APOOL: variants seen among roughly 807,000 people sequenced by gnomAD.
The protein encoded by APOOL is apolipoprotein O like.
A neutral mutation model predicts 23.1 loss-of-function variants in APOOL; 12 were observed. The ratio of observed to expected loss-of-function variants is 0.52; its 90% confidence interval spans 0.33 to 0.84. The LOEUF is 0.84. Among genes scored for constraint, APOOL ranks in the 40% least tolerant of loss-of-function variants. The pLI is 0.02. For missense variants in APOOL, 212 were observed against 199.6 expected (o/e 1.06, Z -0.37); for synonymous variants, 77 against 69.9 (o/e 1.10, Z -0.51).
Position 85,087,944 on chromosome X carries a change from T to TAA in APOOL, c.*274_*275dup. 5.7e-6 allele frequency: 1 copy of TAA among 176,570 alleles called. No homozygotes were observed. The allele number at this position is 176,570 out of a possible 1,213,427, so 14.6% of individuals were successfully genotyped here. Reference sequence around the variant, plus strand: ...GCATTTGATGACCTTTAAGGGCACTTAAAAAAAAATGAAGACATGAATTCT... The same window carrying TAA: ...GCATTTGATGACCTTTAAGGGCACTTAAAAAAAAAAATGAAGACATGAATTCT... On this transcript the variant is annotated 3_prime_UTR_variant, in exon 9 of 9. Coordinates refer to ENST00000373173, the MANE Select transcript of APOOL (RefSeq NM_198450.6).
chrX:85,073,215 T>A (rs1186739638), intron 6 of APOOL, among the ~76,000 whole-genome samples: 6 of 111,225 alleles, frequency 5.4e-5, no homozygotes, highest in Admixed American at 4.8e-4. Context: ...TTTTAAAAAA[T>A]TTATGTTTGT....
intron 1 of APOOL, among the ~76,000 whole-genome samples, chrX:85,018,337 A>G (rs1419420282): frequency 9.0e-6 from 1 of 111,561 alleles, no homozygotes; most frequent in African/African-American, 3.3e-5. Flanking sequence ...TGAGAGTGGC[A>G]GCAAGAAAGT....
chrX:85,037,902 G>T (rs919079621), intron 1 of APOOL, among the ~76,000 whole-genome samples: 1 of 111,027 alleles, frequency 9.0e-6, no homozygotes, highest in Non-Finnish European at 1.9e-5. Context: ...AAAAACTCTT[G>T]TAGACATCAG....
At chrX:85,058,516 A>G (rs1228750033) in intron 5 of APOOL, among the ~76,000 whole-genome samples, 1 of 111,807 alleles carries the variant, frequency 8.9e-6, no homozygotes, top group Non-Finnish European at 1.9e-5. Context: ...GCTATTGTGA[A>G]TAGTGCTGCA....
At chrX:85,071,611 A>C (rs779457978) in intron 6 of APOOL, among the ~76,000 whole-genome samples, 2 of 111,498 alleles carry the variant, frequency 1.8e-5, no homozygotes, top group Non-Finnish European at 3.8e-5. Flanking sequence ...TTTAATCTTG[A>C]GATAGGAACA....
In APOOL at chrX:85,093,144, A is replaced by G; in HGVS notation, c.*5466A>G. ...TGCCCTGTGAATATTTATTAAGAAA[A>G]GGTTAATGTATAGAATATCAATACT... On this transcript the variant is annotated 3_prime_UTR_variant, in exon 9 of 9. Transcript: ENST00000373173. 3.6e-6 allele frequency: 4 copies of G among 1,101,249 alleles called. No homozygotes were observed. Among genetic ancestry groups the G allele is most frequent in the Non-Finnish European group, 4.9e-6 (4 of 821,908 alleles). The allele number at this position is 1,101,249 out of a possible 1,213,427, so 90.8% of individuals were successfully genotyped here.
intron 1 of APOOL, among the ~76,000 whole-genome samples, chrX:85,032,459 AG>A (rs1267244122): frequency 9.1e-6 from 1 of 109,894 alleles, no homozygotes; most frequent in Non-Finnish European, 1.9e-5. Flanking sequence ...GGTTGCAGTG[AG>A]CCGAGATCGC....
chrX:85,090,588 C>T lies in APOOL; in HGVS notation c.*2910C>T, dbSNP rs1359138889. On this transcript the variant is annotated 3_prime_UTR_variant, in exon 9 of 9. Transcript: ENST00000373173. Reference sequence around the variant, plus strand: ...AGCTTACCTTCTAATCCTATCTTCCCTCTCCTTACCCACCCTACTGCTAAT... The same window carrying T: ...AGCTTACCTTCTAATCCTATCTTCCTTCTCCTTACCCACCCTACTGCTAAT... 1 of 111,463 alleles carries T rather than the reference C, an allele frequency of 9.0e-6. No homozygotes were observed. Among genetic ancestry groups the T allele is most frequent in the East Asian group, 2.8e-4 (1 of 3,541 alleles). 9.2% of individuals were successfully genotyped at this position (111,463 alleles called of 1,213,427 possible). A position where few individuals can be genotyped will look rare whatever the true frequency, so the allele number is the denominator to read the frequency against.
In APOOL at chrX:85,074,197, G is replaced by A. The variant is rs751513891; in HGVS notation, c.601-77G>A. ...GTAATGAGGGTACTGGACAGAGGTC[G>A]AGGATAAAATGAGAAAGTAGATGAA... On this transcript the variant is annotated intron_variant, in intron 7 of 8. Transcript: ENST00000373173. 6.9e-4 allele frequency: 810 copies of A among 1,167,788 alleles called. 1 individual carries two copies. Among genetic ancestry groups the A allele is most frequent in the African/African-American group, 1.9e-3 (106 of 56,115 alleles).
intron 1 of APOOL, among the ~76,000 whole-genome samples, chrX:85,020,358 T>C (rs1921619370): frequency 9.0e-6 from 1 of 111,550 alleles, no homozygotes; most frequent in African/African-American, 3.3e-5. Flanking sequence ...ACATTGCCTA[T>C]GTCACCCCTC....
intron 1 of APOOL, among the ~76,000 whole-genome samples, chrX:85,030,472 C>T (rs1922001017): frequency 9.0e-6 from 1 of 110,937 alleles, no homozygotes; most frequent in South Asian, 3.8e-4. Flanking sequence ...ATCCATGTGA[C>T]CAAAAACCAC....
intron 8 of APOOL, among the ~76,000 whole-genome samples, chrX:85,086,809 C>G (rs1924315018): frequency 1.4e-5 from 1 of 73,499 alleles, no homozygotes; most frequent in African/African-American, 5.4e-5. Context: ...ACGCCATTCT[C>G]CTGCCTCAGC....
intron 6 of APOOL, among the ~76,000 whole-genome samples, chrX:85,069,601 C>T (rs1364032109): frequency 9.7e-5 from 8 of 82,269 alleles, no homozygotes; most frequent in Admixed American, 3.2e-4. Flanking sequence ...CAGAGTGAGA[C>T]GCCATCTCTA....
chrX:85,050,441 A>G (rs983420149), intron 2 of APOOL, among the ~76,000 whole-genome samples: 3 of 109,970 alleles, frequency 2.7e-5, no homozygotes, highest in Non-Finnish European at 3.8e-5. Context: ...CAAGAAAACA[A>G]TATAGTGTTA....
At chrX:85,075,510 A>G (rs1923807236) in intron 8 of APOOL, among the ~76,000 whole-genome samples, 1 of 111,340 alleles carries the variant, frequency 9.0e-6, no homozygotes, top group Non-Finnish European at 1.9e-5. Flanking sequence ...TCATTGAATA[A>G]CAAACATGAT....
At chrX:85,007,036 C>T (rs1471160321) in intron 1 of APOOL, among the ~76,000 whole-genome samples, 3 of 111,024 alleles carry the variant, frequency 2.7e-5, no homozygotes, top group Non-Finnish European at 3.8e-5. Context: ...TTTTGAAGAA[C>T]GGAGGAGGTA....
At chrX:85,085,184 T>C (rs1442143462) in intron 8 of APOOL, among the ~76,000 whole-genome samples, 2 of 112,147 alleles carry the variant, frequency 1.8e-5, no homozygotes, top group Non-Finnish European at 3.8e-5. Context: ...TGTGAATATT[T>C]TGAGATAATC....
rs1283735790 is a variant in APOOL, at chrX:85,051,526, G to A, written c.240+18G>A. On this transcript the variant is annotated intron_variant, in intron 3 of 8. Coordinates refer to ENST00000373173, the MANE Select transcript of APOOL (RefSeq NM_198450.6). ...GGTGCAAGGTAAGTCAATTCTGATA[G>A]TGGTTTAATATCAGAGATTTCTGAT... 2.5e-6 allele frequency: 3 copies of A among 1,209,812 alleles called. No homozygotes were observed. In the Admixed American group the frequency reaches 6.5e-5, roughly 26 times the overall value.
chrX:85,034,905 T>G (rs1374549356), intron 1 of APOOL, among the ~76,000 whole-genome samples: 2 of 112,170 alleles, frequency 1.8e-5, no homozygotes, highest in African/African-American at 6.5e-5. Flanking sequence ...GTATCGTGAA[T>G]AGTGCTGTGA....
Sources: allele counts gnomAD v4.1 joint callset (sites outside exome capture counted in the v4.1 genomes callset), GRCh38; gene constraint gnomAD v4.1.1; transcripts MANE v1.5; gene names NCBI Gene and HGNC (gene_info 2026-07-23, HGNC 2026-07-21).